The following MBOAT7 variants were observed in gnomAD, a reference collection of about 807,000 sequenced individuals.
MBOAT7 encodes the protein membrane-bound acylglycerophosphatidylinositol O-acyltransferase MBOAT7.
In MBOAT7, 40 loss-of-function variants were observed where a neutral mutation model predicts 47.4. The ratio of observed to expected loss-of-function variants is 0.84; its 90% CI spans 0.66 to 1.10. The LOEUF is 1.10. Ranked by LOEUF, MBOAT7 falls within the 50% of genes least tolerant of loss-of-function variation. The pLI, the probability that MBOAT7 is intolerant of heterozygous loss-of-function variation, is 0.00. For missense variants in MBOAT7, 680 were observed against 655.6 expected (o/e 1.04, Z -0.41); for synonymous variants, 361 against 292.0 (o/e 1.24, Z -2.41).
At chr19:54,187,833 T>C (rs746977791) in intron 3 of MBOAT7, among the ~76,000 whole-genome samples, 8 of 152,130 alleles carry the variant, frequency 5.3e-5, no homozygotes, top group Middle Eastern at 3.4e-3. Context: ...CTGACCAACA[T>C]GGAGAAACCC....
rs1172713445 is a variant in MBOAT7, at chr19:54,180,703, C to T, written c.854+70G>A. 1 of 1,405,272 alleles carries T rather than the reference C, an allele frequency of 7.1e-7. No homozygotes were observed. The highest frequency in any genetic ancestry group is 1.5e-5 in the South Asian group (1 of 67,246). 87.1% of individuals were successfully genotyped at this position (1,405,272 alleles called of 1,614,324 possible). A position where few individuals can be genotyped will look rare whatever the true frequency, so the allele number is the denominator to read the frequency against. ...CCCTTGCTCCCCGCTCTCCTCCCGGCTAGGGGCAGAGCCAGCCCTTGGAGG... is the reference window on the plus strand; with the variant it reads ...CCCTTGCTCCCCGCTCTCCTCCCGGTTAGGGGCAGAGCCAGCCCTTGGAGG... On this transcript the variant is annotated intron_variant, in intron 6 of 7. Coordinates refer to ENST00000245615, the MANE Select transcript of MBOAT7 (RefSeq NM_024298.5). The surrounding 1 kb of genome is among the most constrained non-coding windows in gnomAD (Gnocchi z 5.2).
intron 7 of MBOAT7, among the ~76,000 whole-genome samples, chr19:54,175,313 G>T (rs2076076875): frequency 6.6e-6 from 1 of 152,166 alleles, no homozygotes. Flanking sequence ...CCCAGGTCTG[G>T]CATCAGCATC....
chr19:54,175,123 C>A (rs1231256568), intron 7 of MBOAT7, among the ~76,000 whole-genome samples: 1 of 151,832 alleles, frequency 6.6e-6, no homozygotes, highest in Non-Finnish European at 1.5e-5. Context: ...CTACAGGCGC[C>A]TGCCACCACG....
chr19:54,188,982 C>T (rs1024627461), intron 1 of MBOAT7, among the ~76,000 whole-genome samples: 4 of 151,902 alleles, frequency 2.6e-5, no homozygotes, highest in Non-Finnish European at 4.4e-5. Context: ...CCCAGACCCC[C>T]TCTTTGGATC....
At chr19:54,187,140 G>A (rs995955750) in intron 4 of MBOAT7, 21 bp downstream of exon 4, 2 of 1,545,366 alleles carry the variant, frequency 1.3e-6, no homozygotes, top group East Asian at 2.4e-5. Flanking sequence ...CTGGAGGGGA[G>A]TGGCAAGCCC....
Position 54,174,283 on chromosome 19 carries a change from C to A in MBOAT7, c.1180G>T (p.Ala394Ser). 6.2e-7 allele frequency: 1 copy of A among 1,612,846 alleles called. No individual in the cohort carries two copies. Among genetic ancestry groups the A allele is most frequent in the South Asian group, 1.1e-5 (1 of 90,944 alleles). Residue 394 changes from alanine (A) to serine (S), a missense_variant, in exon 8 of 8, where the codon GCC becomes TCC. By Grantham distance (99) the Ala-to-Ser change is moderately conservative. Transcript: ENST00000245615. ...AGGAACCAGTGCACCCAGTCCCAGG[C>A]CTTCTGGCCCCCTGGGCTCAGCCGC... is the stretch of plus-strand genomic sequence containing the variant. ...RGRLSPGGQK[A>S]WDWVHWFLKM... is the part of the protein sequence containing the mutation.
rs750599571 is a variant in MBOAT7, at chr19:54,174,204, G to A, written c.1259C>T (p.Ala420Val). The A allele has an allele frequency of 6.3e-7, 1 of 1,597,960 alleles. No homozygotes were observed. Among genetic ancestry groups the A allele is most frequent in the East Asian group, 2.3e-5 (1 of 44,282 alleles). ...GGAGGCCCAGTACCGAAGGGTGTCG[G>A]CCAAGGAGAGCAGCACGAAGCCCAT... is the stretch of plus-strand genomic sequence containing the variant. ...MCMGFVLLSL[A>V]DTLRYWASIY... is the part of the protein sequence containing the mutation. Residue 420 changes from alanine to valine, a missense_variant, in exon 8 of 8, where the codon GCC (alanine) becomes GTC (valine). Coordinates refer to ENST00000245615, the MANE Select transcript of MBOAT7 (RefSeq NM_024298.5).
rs766679693 is a variant in MBOAT7 at position 54,180,873 on chromosome 19, C to T, written c.754G>A (p.Ala252Thr). 1.3e-4 allele frequency: 208 copies of T among 1,590,928 alleles called. 2 individuals carry two copies. Among genetic ancestry groups the T allele is most frequent in the Non-Finnish European group, 1.7e-4 (201 of 1,171,084 alleles). Residue 252 changes from alanine (A) to threonine (T), a missense_variant, in exon 6 of 8, where the codon GCC becomes ACC. Coordinates refer to ENST00000245615, the MANE Select transcript of MBOAT7 (RefSeq NM_024298.5). The surrounding 1 kb of genome is among the most constrained non-coding windows in gnomAD (Gnocchi z 5.2). ...RMRFYVAWIA[A>T]ECGCIAAGFG... The stretch of plus-strand genomic sequence containing the variant: ...CCGGCGGCAATGCAGCCGCACTCGG[C>T]GGCAATCCAGGCCACGTAGAAGCGC...
chr19:54,179,242 G>T, intron 6 of MBOAT7: 1 of 496,954 alleles, frequency 2.0e-6, no homozygotes, highest in Non-Finnish European at 3.6e-6. Flanking sequence ...TAAGCTATGA[G>T]TCCTTTAGCA....
At chr19:54,182,259 TTAAAA>T (rs1017701558) in intron 5 of MBOAT7, among the ~76,000 whole-genome samples, 4 of 151,678 alleles carry the variant, frequency 2.6e-5, no homozygotes, top group African/African-American at 9.7e-5. Flanking sequence ...AAAAAACAAA[TTAAAA>T]TAAATAAATA....
chr19:54,178,768 A>G lies in MBOAT7; in HGVS notation c.1028T>C (p.Leu343Pro). 1.2e-6 allele frequency: 2 copies of G among 1,613,364 alleles called. No homozygotes were observed. Among genetic ancestry groups the G allele is most frequent in the South Asian group, 1.1e-5 (1 of 91,078 alleles). ...YKSAPARSYVLRSAWTMLLSA... is the reference protein window; with the variant it reads ...YKSAPARSYVPRSAWTMLLSA... ...GAGACTGGGCGGGCTCACTCACCGC[A>G]GGACATAGGAACGGGCAGGTGCGCT... is the stretch of plus-strand genomic sequence containing the variant. Residue 343 changes from leucine (L) to proline (P), a missense_variant, in exon 7 of 8, where the codon CTG becomes CCG. By Grantham distance (98) the Leu-to-Pro change is moderately conservative (BLOSUM62 -3). Coordinates refer to ENST00000245615, the MANE Select transcript of MBOAT7 (RefSeq NM_024298.5).
intron 3 of MBOAT7, 148 bp downstream of exon 3, chr19:54,188,069 G>A (rs901059987): frequency 0.31 from 62,478 of 202,428 alleles, 15,023 homozygotes; most frequent in Admixed American, 0.45. Context: ...AAGAAAGAAA[G>A]ACAAACAAAC....
chr19:54,186,205 G>A (rs1483247644), intron 4 of MBOAT7, among the ~76,000 whole-genome samples: 2 of 151,816 alleles, frequency 1.3e-5, no homozygotes, highest in Admixed American at 6.6e-5. Flanking sequence ...AGTAGAGACA[G>A]GGTTTCTCCA....
chr19:54,175,007 G>T (rs1042258465), intron 7 of MBOAT7, among the ~76,000 whole-genome samples: 1 of 130,648 alleles, frequency 7.7e-6, no homozygotes, highest in African/African-American at 3.0e-5. Context: ...ACAGAGTCTC[G>T]CTCTGTCGCC....
Position 54,178,782 on chromosome 19 carries a change from G to C in MBOAT7, c.1014C>G (p.Ala338=). 1 of 1,613,416 alleles carries C rather than the reference G, an allele frequency of 6.2e-7. No individual in the cohort carries two copies. Among genetic ancestry groups the C allele is most frequent in the Non-Finnish European group, 8.5e-7 (1 of 1,180,010 alleles). ...LAQYIYKSAP[A]RSYVLRSAWT... The stretch of plus-strand genomic sequence containing the variant: ...TCACTCACCGCAGGACATAGGAACG[G>C]GCAGGTGCGCTCTTGTAGATATACT... The change falls in exon 7 of 8, where the codon GCC becomes GCG. Residue 338 remains alanine (A), a synonymous_variant. Coordinates refer to ENST00000245615, the MANE Select transcript of MBOAT7 (RefSeq NM_024298.5).
chr19:54,178,130 T>C, intron 7 of MBOAT7: 5 of 588,076 alleles, frequency 8.5e-6, no homozygotes, highest in Non-Finnish European at 1.1e-5. Flanking sequence ...CAGGCTGGTC[T>C]CGAACTCCTG....
At chr19:54,183,474 G>C in intron 5 of MBOAT7, 47 bp downstream of exon 5, 1 of 1,590,040 alleles carries the variant, frequency 6.3e-7, no homozygotes, top group Non-Finnish European at 8.5e-7. Flanking sequence ...GGGCGGAAGG[G>C]GACACAGGAG....
chr19:54,181,505 T>C (rs1178442252), intron 5 of MBOAT7, among the ~76,000 whole-genome samples: 1 of 148,882 alleles, frequency 6.7e-6, no homozygotes, highest in South Asian at 2.1e-4. Flanking sequence ...AAAATAAAAA[T>C]CAGCCAGGTG....
Position 54,180,662 on chromosome 19 carries a change from A to T in MBOAT7, c.854+111T>A, listed in dbSNP as rs764276737. 9 of 1,037,022 alleles carry T rather than the reference A, an allele frequency of 8.7e-6. No individual in the cohort carries two copies. The African/African-American group carries it at 1.5e-4, about 17-fold the overall frequency. The allele number at this position is 1,037,022 out of a possible 1,614,324, so 64.2% of individuals were successfully genotyped here. A position where few individuals can be genotyped will look rare whatever the true frequency, so the allele number is the denominator to read the frequency against. ...CGAGGGGGCGACACTCTGCTCAAAA[A>T]GGTGGTGGCCCTGGCCCCTTGCTCC... On this transcript the variant is annotated intron_variant, in intron 6 of 7. Transcript: ENST00000245615. This position sits in a 1 kb window ranked among gnomAD's most constrained non-coding sequence, Gnocchi z 5.2.
Sources: gnomAD v4.1 joint callset for allele counts (sites outside exome capture counted in the v4.1 genomes callset) on GRCh38, gnomAD v4.1.1 for gene constraint, Gnocchi (gnomAD v3.1) non-coding constraint, MANE v1.5 for transcripts, NCBI Gene and HGNC (gene_info 2026-07-23, HGNC 2026-07-21) for gene names.